The following ANK2 variants were observed in gnomAD, a reference collection of about 807,000 sequenced individuals.
ANK2 encodes ankyrin 2, also known as ankyrin-2.
In ANK2, 83 loss-of-function variants were observed where a neutral mutation model predicts 360.5. The ratio of observed to expected loss-of-function variants is 0.23; its 90% CI spans 0.19 to 0.28. ANK2 has a LOEUF of 0.28. ANK2 is among the 10% of genes least tolerant of loss of function. ANK2 has a pLI of 1.00. For synonymous variants in ANK2, 1,740 were observed against 1,759.5 expected, an observed-to-expected ratio of 0.99 and a Z score of 0.28; for missense variants, 4,201 against 4,795.7, an observed-to-expected ratio of 0.88 and a Z score of 3.66.
At chr4:113,304,902 T>G (rs143948670) in intron 23 of ANK2, among the ~76,000 whole-genome samples, 423 of 152,296 alleles carry the variant, frequency 2.8e-3, no homozygotes, top group Middle Eastern at 0.02. Flanking sequence ...CTCTATTACA[T>G]GAAAATTTAA....
At chr4:113,191,313 C>T (rs2098659727) in intron 2 of ANK2, among the ~76,000 whole-genome samples, 1 of 151,880 alleles carries the variant, frequency 6.6e-6, no homozygotes. Context: ...CCACTGCATT[C>T]CAACCTGGAC....
chr4:112,866,793 C>T (rs150512702), intron 1 of ANK2, among the ~76,000 whole-genome samples: 9 of 151,932 alleles, frequency 5.9e-5, no homozygotes, highest in East Asian at 5.8e-4. Flanking sequence ...TGGTCCTGCT[C>T]GGATTCTTTT....
intron 1 of ANK2, among the ~76,000 whole-genome samples, chr4:113,133,820 G>A (rs1314856447): frequency 6.6e-6 from 1 of 152,090 alleles, no homozygotes; most frequent in African/African-American, 2.4e-5. Context: ...GTTTAAGAAG[G>A]AAGGAAGAGG....
intron 2 of ANK2, among the ~76,000 whole-genome samples, chr4:113,019,167 A>G (rs947524845): frequency 1.3e-5 from 2 of 152,218 alleles, no homozygotes; most frequent in Non-Finnish European, 2.9e-5. Flanking sequence ...AGTGGTTTTT[A>G]ACATTTTAAA....
chr4:112,969,517 C>T (rs1318063733), intron 2 of ANK2, among the ~76,000 whole-genome samples: 1 of 151,998 alleles, frequency 6.6e-6, no homozygotes, highest in African/African-American at 2.4e-5. Flanking sequence ...CCAGGGAAGG[C>T]TTAAAGAAAA....
chr4:113,049,576 A>C, upstream of ANK2: 1 of 1,453,434 alleles, frequency 6.9e-7, no homozygotes. Context: ...AGCTGCTGCC[A>C]TGGCAACGTC....
At chr4:113,166,118 C>T (rs1021475595) in intron 1 of ANK2, among the ~76,000 whole-genome samples, 12 of 152,024 alleles carry the variant, frequency 7.9e-5, no homozygotes, top group Middle Eastern at 3.2e-3. Flanking sequence ...TTGTTCCTTA[C>T]GAGAACTTTA....
intron 2 of ANK2, among the ~76,000 whole-genome samples, chr4:112,921,754 A>G (rs1373774603): frequency 6.6e-6 from 1 of 152,114 alleles, no homozygotes; most frequent in Non-Finnish European, 1.5e-5. Context: ...GCTGCTAAGA[A>G]AAGTTTATTA....
chr4:113,277,759 A>G, intron 15 of ANK2, 78 bp from the exon 16 acceptor site: 1 of 1,170,688 alleles, frequency 8.5e-7, no homozygotes, highest in Non-Finnish European at 1.3e-6. Flanking sequence ...ACTTTGCTCA[A>G]TATGTTAACA....
At chr4:113,224,120 C>G (rs966997805) in intron 4 of ANK2, among the ~76,000 whole-genome samples, 1 of 152,162 alleles carries the variant, frequency 6.6e-6, no homozygotes, top group African/African-American at 2.4e-5. Context: ...AAATCACGCA[C>G]CATCAATTCT....
intron 2 of ANK2, among the ~76,000 whole-genome samples, chr4:113,189,447 C>T (rs1282736156): frequency 6.6e-6 from 1 of 152,126 alleles, no homozygotes; most frequent in Non-Finnish European, 1.5e-5. Context: ...GACTTGGTTT[C>T]TAGCACAATG....
At chr4:112,754,111 G>GTATATATATATA in the ANK2 span, among the ~76,000 whole-genome samples, 114 of 111,426 alleles carry the variant, frequency 1.0e-3, 4 homozygotes, top group African/African-American at 3.4e-3. Flanking sequence ...AAAAAAAAAA[G>GTATATATATATA]TATATATATA....
At chr4:112,823,471 TAGTC>T (rs1367412338) in intron 1 of ANK2, among the ~76,000 whole-genome samples, 13 of 151,782 alleles carry the variant, frequency 8.6e-5, no homozygotes, top group African/African-American at 2.7e-4. Flanking sequence ...AAGAAAAAAT[TAGTC>T]AGGGGATATT....
At chr4:112,724,592 A>C in the ANK2 span, among the ~76,000 whole-genome samples, 1 of 131,654 alleles carries the variant, frequency 7.6e-6, no homozygotes, top group Non-Finnish European at 1.7e-5. Flanking sequence ...CACACACACC[A>C]CACCATCCCA....
chr4:112,936,124 C>T (rs535109012), intron 2 of ANK2, among the ~76,000 whole-genome samples: 47 of 152,298 alleles, frequency 3.1e-4, no homozygotes, highest in African/African-American at 1.1e-3. Context: ...TAGGCAGCTT[C>T]TGCGTTCTTT....
At position 113,343,100 on chromosome 4, in the gene ANK2, T is replaced by A; in HGVS notation, c.4206T>A (p.Ser1402Arg). 6.2e-7 allele frequency: 1 copy of A among 1,613,344 alleles called. No homozygotes were observed. The highest frequency in any genetic ancestry group is 8.5e-7 in the Non-Finnish European group (1 of 1,179,392). The change falls in exon 34 of 46, where the codon AGT (serine) becomes AGA (arginine). Residue 1402 changes from serine to arginine, a missense_variant. Ser to Arg is a moderately radical substitution (Grantham distance 110). This residue lies in a region of ANK2 where 1,268 missense variants were observed against 1,650.8 expected (regional missense o/e 0.77). Coordinates refer to ENST00000357077, the MANE Select transcript of ANK2 (RefSeq NM_001148.6). ...LTKSGQHHIFSFFAFKENRLP... is the reference protein window; with the variant it reads ...LTKSGQHHIFRFFAFKENRLP... ...AAAGTGGCCAGCATCATATATTCAG[T>A]TTTTTTGCCTTCAAAGAAAATAGAC...
At chr4:113,045,943 A>G (rs956945374), upstream of ANK2, among the ~76,000 whole-genome samples, 2 of 152,246 alleles carry the variant, frequency 1.3e-5, no homozygotes, top group Non-Finnish European at 2.9e-5. Flanking sequence ...AATAGTTCCT[A>G]GTCCCCTATT....
At position 113,140,113 on chromosome 4, in the gene ANK2, G is replaced by C. The variant is rs190969409; in HGVS notation, c.85-34303G>C. 5.3e-4 allele frequency among the ~76,000 whole-genome samples: 81 copies of C among 152,260 alleles called. 1 individual carries two copies. The highest frequency in any genetic ancestry group is 1.8e-3 in the African/African-American group (73 of 41,572). On this transcript the variant is annotated intron_variant, in intron 1 of 45. Coordinates refer to ENST00000357077, the MANE Select transcript of ANK2 (RefSeq NM_001148.6). ...TGTTTAACTTTTAGTCAAATAAATT[G>C]TATTGAATGTACCCAAACACGGAAG...
At position 113,354,549 on chromosome 4, in the gene ANK2, C is replaced by G. The variant is rs1379587634; in HGVS notation, c.5931C>G (p.Pro1977=). 2 of 1,613,972 alleles carry G rather than the reference C, an allele frequency of 1.2e-6. No individual in the cohort carries two copies. Among genetic ancestry groups the G allele is most frequent in the Admixed American group, 3.3e-5 (2 of 59,994 alleles). ...CAGAAAAGCAACCACCTGTATCCCC[C>G]ACTTCAAAAACAGAGAGGATTGAGG... is the stretch of plus-strand genomic sequence containing the variant. ...GKTEKQPPVS[P]TSKTERIEET... Residue 1977 remains proline (P), a synonymous_variant, in exon 38 of 46, where the codon CCC becomes CCG. Coordinates refer to ENST00000357077, the MANE Select transcript of ANK2 (RefSeq NM_001148.6).
Sources: allele counts gnomAD v4.1 joint callset (sites outside exome capture counted in the v4.1 genomes callset), GRCh38; gene constraint gnomAD v4.1.1; regional missense constraint gnomAD v4.1.1; transcripts MANE v1.5; gene names NCBI Gene and HGNC (gene_info 2026-07-23, HGNC 2026-07-21).